The following ERC2 variants were observed in gnomAD, a reference collection of about 807,000 sequenced individuals.
The protein encoded by ERC2 is ELKS/RAB6-interacting/CAST family member 2, also known as ERC protein 2.
Under a neutral mutation model 114.8 loss-of-function variants are expected in ERC2, and 42 were observed. The observed-to-expected ratio is 0.37, with a 90% CI of 0.29 to 0.47. The LOEUF is 0.47. Ranked by LOEUF, ERC2 falls within the 20% of genes least tolerant of loss-of-function variation. ERC2 has a pLI of 0.99. For synonymous variants in ERC2, 454 were observed against 425.5 expected, an observed-to-expected ratio of 1.07 and a Z score of -0.82; for missense variants, 939 against 1,150.7, an observed-to-expected ratio of 0.82 and a Z score of 2.66.
intron 2 of ERC2, among the ~76,000 whole-genome samples, chr3:56,332,364 G>GAAC (rs758537195): frequency 7.9e-5 from 12 of 152,114 alleles, no homozygotes; most frequent in Admixed American, 2.0e-4. Context: ...ATTTGTTACT[G>GAAC]AACACCTGCT....
At chr3:56,270,004 A>G (rs1457877292) in intron 3 of ERC2, among the ~76,000 whole-genome samples, 5 of 152,186 alleles carry the variant, frequency 3.3e-5, no homozygotes, top group Non-Finnish European at 7.4e-5. Flanking sequence ...AAAGTCAGCT[A>G]TAACAACAAA....
intron 17 of ERC2, among the ~76,000 whole-genome samples, chr3:55,610,081 A>C (rs1212882081): frequency 3.4e-5 from 5 of 149,208 alleles, no homozygotes; most frequent in Non-Finnish European, 7.4e-5. Context: ...AAAAAAAAAA[A>C]AAACAAGAAT....
chr3:55,971,451 AC>A (rs923676263), intron 12 of ERC2, among the ~76,000 whole-genome samples: 3 of 152,188 alleles, frequency 2.0e-5, no homozygotes, highest in Non-Finnish European at 4.4e-5. Context: ...TCCCCAATAA[AC>A]CACTCTCACT....
At chr3:56,307,412 G>C (rs2056293400) in intron 2 of ERC2, among the ~76,000 whole-genome samples, 1 of 152,188 alleles carries the variant, frequency 6.6e-6, no homozygotes, top group South Asian at 2.1e-4. Context: ...TTGGCTGAGA[G>C]TCTCTCAATT....
chr3:56,298,584 C>T (rs760167316), intron 2 of ERC2, among the ~76,000 whole-genome samples: 12 of 151,980 alleles, frequency 7.9e-5, no homozygotes, highest in Non-Finnish European at 1.5e-4. Flanking sequence ...AATCTGAAAA[C>T]ATTATGCCAT....
chr3:56,040,611 A>AT (rs11391505), intron 7 of ERC2, among the ~76,000 whole-genome samples: 2 of 33,118 alleles, frequency 6.0e-5, no homozygotes, highest in African/African-American at 1.7e-4. Context: ...ATGTATATAT[A>AT]ATATATAGAT....
At chr3:56,330,147 C>T (rs2057542779) in intron 2 of ERC2, among the ~76,000 whole-genome samples, 1 of 152,066 alleles carries the variant, frequency 6.6e-6, no homozygotes, top group Non-Finnish European at 1.5e-5. Context: ...GATTGTCACA[C>T]CTCAGCCTCG....
At chr3:55,552,473 A>G (rs936426398) in intron 17 of ERC2, among the ~76,000 whole-genome samples, 1 of 152,076 alleles carries the variant, frequency 6.6e-6, no homozygotes, top group Admixed American at 6.5e-5. Flanking sequence ...TTTGCACACC[A>G]GAGAAAGAAA....
rs191485796 is a variant in ERC2 at position 55,689,637 on chromosome 3, A to G, written c.2848-5778T>C. ...CATTTCCTTCATGGTAGGCAATCAA[A>G]TTTCCTTTTGACTCTTCATTTCCTC... On this transcript the variant is annotated intron_variant, in intron 16 of 17. Transcript: ENST00000288221. Among the ~76,000 whole-genome samples, 100 of 152,130 alleles carry G rather than the reference A, an allele frequency of 6.6e-4. 2 individuals carry two copies. In the South Asian group the frequency reaches 0.011, roughly 17 times the overall value.
At chr3:55,929,003 T>C (rs953770470) in intron 13 of ERC2, among the ~76,000 whole-genome samples, 1 of 152,174 alleles carries the variant, frequency 6.6e-6, no homozygotes, top group African/African-American at 2.4e-5. Context: ...ACTGTTTTGG[T>C]TACTATCCAC....
chr3:56,084,437 A>C (rs1331151635), intron 6 of ERC2, among the ~76,000 whole-genome samples: 3 of 152,244 alleles, frequency 2.0e-5, no homozygotes, highest in African/African-American at 7.2e-5. Flanking sequence ...TCACATTTGC[A>C]AATATATGGA....
intron 17 of ERC2, among the ~76,000 whole-genome samples, chr3:55,539,035 A>G (rs1043635920): frequency 2.6e-5 from 4 of 152,224 alleles, no homozygotes; most frequent in Non-Finnish European, 5.9e-5. Context: ...CCTCACAGCT[A>G]ATTACATAAT....
At chr3:56,380,761 T>A (rs2059718287) in intron 2 of ERC2, among the ~76,000 whole-genome samples, 1 of 152,214 alleles carries the variant, frequency 6.6e-6, no homozygotes, top group South Asian at 2.1e-4. Flanking sequence ...AAGTTCAAAT[T>A]GCTACAAGTT....
intron 17 of ERC2, among the ~76,000 whole-genome samples, chr3:55,516,360 ATTG>A (rs1317108232): frequency 3.9e-5 from 6 of 152,222 alleles, no homozygotes; most frequent in Non-Finnish European, 1.5e-5. Flanking sequence ...TTTATTTATT[ATTG>A]TTGTGATCAA....
At chr3:56,222,621 G>T (rs1385124507) in intron 3 of ERC2, among the ~76,000 whole-genome samples, 1 of 152,132 alleles carries the variant, frequency 6.6e-6, no homozygotes, top group East Asian at 1.9e-4. Flanking sequence ...CTAATTTTTG[G>T]CTCCCCTAGA....
intron 13 of ERC2, among the ~76,000 whole-genome samples, chr3:55,891,823 C>G (rs987996327): frequency 3.3e-5 from 5 of 152,164 alleles, no homozygotes; most frequent in Admixed American, 3.3e-4. Flanking sequence ...GTTATTCTTG[C>G]GGTCCCATGG....
chr3:56,235,633 C>A (rs143470068), intron 3 of ERC2, among the ~76,000 whole-genome samples: 1 of 152,164 alleles, frequency 6.6e-6, no homozygotes, highest in African/African-American at 2.4e-5. Context: ...GTTCCAGACC[C>A]CATTTTTCAT....
At chr3:55,768,673 G>A (rs1187910194) in intron 14 of ERC2, among the ~76,000 whole-genome samples, 1 of 152,076 alleles carries the variant, frequency 6.6e-6, no homozygotes, top group Non-Finnish European at 1.5e-5. Context: ...GACCAGATGG[G>A]AGAACGCTAA....
chr3:55,555,432 A>G (rs2055535231), intron 17 of ERC2, among the ~76,000 whole-genome samples: 1 of 152,184 alleles, frequency 6.6e-6, no homozygotes, highest in African/African-American at 2.4e-5. Context: ...CCAACTCTCA[A>G]ATGACACCAG....
Sources: gnomAD v4.1 joint callset for allele counts (sites outside exome capture counted in the v4.1 genomes callset) on GRCh38, gnomAD v4.1.1 for gene constraint, MANE v1.5 for transcripts, NCBI Gene and HGNC (gene_info 2026-07-23, HGNC 2026-07-21) for gene names.